MGARP: variants seen among roughly 807,000 people sequenced by gnomAD.
MGARP encodes the protein mitochondria localized glutamic acid rich protein.
In MGARP, 12 loss-of-function variants were observed where a neutral mutation model predicts 11.0. That is an observed-to-expected ratio of 1.09 (90% confidence interval 0.70 to 1.77). MGARP has a LOEUF of 1.77. MGARP is among the 40% of genes most tolerant of loss of function. MGARP has a pLI of 0.00. For synonymous variants in MGARP, 110 were observed against 115.4 expected, an observed-to-expected ratio of 0.95 and a Z score of 0.30; for missense variants, 283 against 297.8, an observed-to-expected ratio of 0.95 and a Z score of 0.36.
At chr4:139,269,466 T>C (rs1744745978) in intron 2 of MGARP, among the ~76,000 whole-genome samples, 2 of 151,768 alleles carry the variant, frequency 1.3e-5, no homozygotes, top group Non-Finnish European at 2.9e-5. Context: ...CCATCTCTAC[T>C]AAAAATACAA....
At position 139,279,842 on chromosome 4, in the gene MGARP, C is replaced by G. The variant is rs576816432; in HGVS notation, c.82+235G>C. ...AAGCCATTTGTCCAAGATCAGGATG[C>G]GAACCCAGATAATCTGGACTCTGAG... On this transcript the variant is annotated intron_variant, in intron 1 of 3. Coordinates refer to ENST00000398955, the MANE Select transcript of MGARP (RefSeq NM_032623.4). Among the ~76,000 whole-genome samples the G allele has an allele frequency of 1.2e-4, 19 of 152,326 alleles. 1 individual carries two copies. The highest frequency in any genetic ancestry group is 2.4e-4 in the Non-Finnish European group (16 of 68,034).
intron 2 of MGARP, among the ~76,000 whole-genome samples, chr4:139,270,296 C>T (rs1328443981): frequency 8.0e-6 from 1 of 125,208 alleles, no homozygotes; most frequent in African/African-American, 3.1e-5. Flanking sequence ...GAAACTCCGT[C>T]TCAAAAAAAA....
chr4:139,274,544 T>C (rs547592820), intron 2 of MGARP, among the ~76,000 whole-genome samples: 30 of 152,268 alleles, frequency 2.0e-4, no homozygotes, highest in African/African-American at 6.7e-4. Context: ...AGTGCCATGA[T>C]GTGATCTTGG....
At chr4:139,274,193 T>C (rs1038318306) in intron 2 of MGARP, among the ~76,000 whole-genome samples, 2 of 152,202 alleles carry the variant, frequency 1.3e-5, no homozygotes, top group Non-Finnish European at 2.9e-5. Context: ...AACGACTCTG[T>C]ATGATACTAT....
chr4:139,276,937 C>A (rs1744883888), intron 1 of MGARP, among the ~76,000 whole-genome samples: 1 of 152,120 alleles, frequency 6.6e-6, no homozygotes, highest in Non-Finnish European at 1.5e-5. Context: ...AATGAGATAT[C>A]TTGGGGATGG....
At chr4:139,274,179 A>G (rs1193461078) in intron 2 of MGARP, among the ~76,000 whole-genome samples, 2 of 152,108 alleles carry the variant, frequency 1.3e-5, no homozygotes, top group African/African-American at 4.8e-5. Context: ...TTTTAGGGTG[A>G]TGAAACGACT....
chr4:139,276,361 A>C (rs1208064115), intron 1 of MGARP, among the ~76,000 whole-genome samples: 2 of 152,226 alleles, frequency 1.3e-5, no homozygotes, highest in Non-Finnish European at 2.9e-5. Context: ...AAATGTAATA[A>C]GTGTTAAGCC....
At chr4:139,267,727 A>C (rs1744718343) in intron 3 of MGARP, among the ~76,000 whole-genome samples, 1 of 152,232 alleles carries the variant, frequency 6.6e-6, no homozygotes, top group Non-Finnish European at 1.5e-5. Context: ...TTGTCATGAC[A>C]GGTTAAAACT....
intron 3 of MGARP, among the ~76,000 whole-genome samples, chr4:139,267,285 A>C (rs935867585): frequency 6.6e-6 from 1 of 152,160 alleles, no homozygotes; most frequent in Admixed American, 6.6e-5. Context: ...GTATTTGCAA[A>C]AACTCTCCAG....
intron 2 of MGARP, among the ~76,000 whole-genome samples, chr4:139,272,693 T>C (rs1452281194): frequency 1.4e-5 from 2 of 142,992 alleles, no homozygotes; most frequent in African/African-American, 5.2e-5. Flanking sequence ...TTTCTTTTTT[T>C]TTTTTTTTTT....
At position 139,275,273 on chromosome 4, in the gene MGARP, T is replaced by G; in HGVS notation, c.186+16A>C. 1.3e-6 allele frequency: 2 copies of G among 1,594,618 alleles called. No individual in the cohort carries two copies. Reference sequence around the variant, plus strand: ...ATACATGAATTCTTGAGCACTGTGGTTATATAATCACTTACATAATATCCA... The same window carrying G: ...ATACATGAATTCTTGAGCACTGTGGGTATATAATCACTTACATAATATCCA... On this transcript the variant is annotated intron_variant, in intron 2 of 3. Transcript: ENST00000398955.
intron 1 of MGARP, among the ~76,000 whole-genome samples, chr4:139,279,503 G>GC (rs1242687679): frequency 3.3e-5 from 5 of 152,108 alleles, no homozygotes; most frequent in African/African-American, 1.2e-4. Context: ...CCAGGCGCTC[G>GC]CGGGGTTCAG....
Position 139,266,695 on chromosome 4 carries a change from T to C in MGARP, c.627A>G (p.Glu209=). 1 of 1,614,218 alleles carries C rather than the reference T, an allele frequency of 6.2e-7. No homozygotes were observed. Among genetic ancestry groups the C allele is most frequent in the Non-Finnish European group, 8.5e-7 (1 of 1,180,024 alleles). Residue 209 remains glutamate (E), a synonymous_variant, in exon 4 of 4, where the codon GAA becomes GAG. Coordinates refer to ENST00000398955, the MANE Select transcript of MGARP (RefSeq NM_032623.4). ...CTGACTCAGCTGGAGAATTTTCTTC[T>C]TCTAGTTCAGCATATTCATCAGAGG... ...NETSDEYAEL[E]EENSPAESES...
rs2110728936 is a variant in MGARP, at chr4:139,266,402, T to C, written c.*197A>G. 1.7e-6 allele frequency: 1 copy of C among 583,168 alleles called. No individual in the cohort carries two copies. Among genetic ancestry groups the C allele is most frequent in the Non-Finnish European group, 3.0e-6 (1 of 332,040 alleles). 36.1% of individuals were successfully genotyped at this position (583,168 alleles called of 1,614,324 possible). A position where few individuals can be genotyped will look rare whatever the true frequency, so the allele number is the denominator to read the frequency against. On this transcript the variant is annotated 3_prime_UTR_variant, in exon 4 of 4. Transcript: ENST00000398955. ...AATGTCATATTCTGATCTCAGACAGTAGAAGAGTAGTAAGAAATGTACAAT... is the reference window on the plus strand; with the variant it reads ...AATGTCATATTCTGATCTCAGACAGCAGAAGAGTAGTAAGAAATGTACAAT...
At chr4:139,270,497 T>C (rs1359016306) in intron 2 of MGARP, among the ~76,000 whole-genome samples, 3 of 148,866 alleles carry the variant, frequency 2.0e-5, no homozygotes, top group Admixed American at 1.4e-4. Context: ...TAGTCCCAAC[T>C]ACTCGGGAGG....
At chr4:139,278,581 C>A (rs920019272) in intron 1 of MGARP, among the ~76,000 whole-genome samples, 16 of 151,914 alleles carry the variant, frequency 1.1e-4, no homozygotes, top group African/African-American at 3.9e-4. Flanking sequence ...AAAAAAGGTG[C>A]GCGTGTGTGT....
In MGARP at chr4:139,266,485, T is replaced by C; in HGVS notation, c.*114A>G. The C allele has an allele frequency of 9.5e-7, 1 of 1,047,792 alleles. No individual in the cohort carries two copies. The highest frequency in any genetic ancestry group is 2.6e-5 in the East Asian group (1 of 38,370). The allele number at this position is 1,047,792 out of a possible 1,614,324, so 64.9% of individuals were successfully genotyped here. A position where few individuals can be genotyped will look rare whatever the true frequency, so the allele number is the denominator to read the frequency against. On this transcript the variant is annotated 3_prime_UTR_variant, in exon 4 of 4. Coordinates refer to ENST00000398955, the MANE Select transcript of MGARP (RefSeq NM_032623.4). Reference sequence around the variant, plus strand: ...GATGCCAAAAATCTTCAAGACCCATTAACGTTTTCTAGAAAATAAGTCTTT... The same window carrying C: ...GATGCCAAAAATCTTCAAGACCCATCAACGTTTTCTAGAAAATAAGTCTTT...
At chr4:139,279,000 T>A (rs1217936827) in intron 1 of MGARP, among the ~76,000 whole-genome samples, 2 of 152,012 alleles carry the variant, frequency 1.3e-5, no homozygotes, top group African/African-American at 2.4e-5. Flanking sequence ...TCCGCGCACA[T>A]CTTTCTCTCC....
Position 139,266,819 on chromosome 4 carries a change from G to T in MGARP, c.503C>A (p.Thr168Asn). The T allele has an allele frequency of 6.2e-7, 1 of 1,614,128 alleles. No homozygotes were observed. The highest frequency in any genetic ancestry group is 1.1e-5 in the South Asian group (1 of 91,080). Residue 168 changes from threonine (T) to asparagine (N), a missense_variant, in exon 4 of 4, where the codon ACC (threonine) becomes AAC (asparagine). Transcript: ENST00000398955. ...GGTTGTTTCAGGGTTTACTTCCGTGGTTTCCCTCGCCGCTGCATCTGTGAC... is the reference window on the plus strand; with the variant it reads ...GGTTGTTTCAGGGTTTACTTCCGTGTTTTCCCTCGCCGCTGCATCTGTGAC... ...PEVTDAAARE[T>N]TEVNPETTPE...
Sources: allele counts gnomAD v4.1 joint callset (sites outside exome capture counted in the v4.1 genomes callset), GRCh38; gene constraint gnomAD v4.1.1; transcripts MANE v1.5; gene names NCBI Gene and HGNC (gene_info 2026-07-23, HGNC 2026-07-21).